Variants in CDH8 observed in about 807,000 individuals in gnomAD.
CDH8 encodes the protein cadherin-8.
Under a neutral mutation model 68.1 loss-of-function variants are expected in CDH8, and 17 were observed. The observed-to-expected ratio is 0.25, with a 90% CI of 0.17 to 0.37. The LOEUF is 0.37. Ranked by LOEUF, CDH8 falls within the 10% of genes least tolerant of loss-of-function variation. CDH8 has a pLI of 1.00. For missense variants in CDH8, 763 were observed against 999.3 expected, an observed-to-expected ratio of 0.76 and a Z score of 3.19; for synonymous variants, 372 against 365.1, an observed-to-expected ratio of 1.02 and a Z score of -0.21.
chr16:61,835,009 T>C (rs995536126), intron 4 of CDH8, among the ~76,000 whole-genome samples: 7 of 151,916 alleles, frequency 4.6e-5, no homozygotes, highest in African/African-American at 1.7e-4. Context: ...GAAAATAATA[T>C]ACTCTCCTTT....
intron 2 of CDH8, among the ~76,000 whole-genome samples, chr16:61,913,168 A>G (rs1304961586): frequency 1.3e-5 from 2 of 152,152 alleles, no homozygotes; most frequent in Non-Finnish European, 2.9e-5. Flanking sequence ...TCTAAACACA[A>G]AATTCATTTA....
intron 8 of CDH8, among the ~76,000 whole-genome samples, chr16:61,789,071 T>C (rs377296182): frequency 5.0e-4 from 76 of 152,198 alleles, no homozygotes; most frequent in African/African-American, 1.8e-3. Context: ...TACTAAATCT[T>C]TTCCTCTTAC....
intron 9 of CDH8, among the ~76,000 whole-genome samples, chr16:61,720,435 A>C (rs1260278916): frequency 6.6e-6 from 1 of 150,970 alleles, no homozygotes; most frequent in Non-Finnish European, 1.5e-5. Context: ...TTGAAAATAC[A>C]ATAAAAATAT....
intron 4 of CDH8, among the ~76,000 whole-genome samples, chr16:61,836,989 C>A (rs1962582573): frequency 6.6e-6 from 1 of 152,008 alleles, no homozygotes. Context: ...TCCTTTCAAG[C>A]CAATACCCTC....
At chr16:61,878,539 A>T (rs2143105278) in intron 3 of CDH8, among the ~76,000 whole-genome samples, 1 of 152,310 alleles carries the variant, frequency 6.6e-6, no homozygotes, top group Middle Eastern at 3.4e-3. Flanking sequence ...ACTTCCTCAT[A>T]GACTTTTTGT....
At chr16:61,919,246 A>G (rs1266476149) in intron 2 of CDH8, among the ~76,000 whole-genome samples, 1 of 147,918 alleles carries the variant, frequency 6.8e-6, no homozygotes, top group Non-Finnish European at 1.5e-5. Context: ...GAAACTCTAA[A>G]AAGCAGAGCG....
chr16:61,776,217 A>G (rs1409671031), intron 8 of CDH8, among the ~76,000 whole-genome samples: 2 of 152,128 alleles, frequency 1.3e-5, no homozygotes, highest in Non-Finnish European at 2.9e-5. Context: ...GTGTTATCTC[A>G]TTTAACTCCC....
At chr16:61,969,228 G>C (rs1965300837) in intron 2 of CDH8, among the ~76,000 whole-genome samples, 1 of 152,194 alleles carries the variant, frequency 6.6e-6, no homozygotes, top group Admixed American at 6.5e-5. Context: ...TGTGGAGTGA[G>C]GATGGGCATC....
At chr16:61,654,909 T>G (rs1963408199) in intron 11 of CDH8, among the ~76,000 whole-genome samples, 1 of 152,248 alleles carries the variant, frequency 6.6e-6, no homozygotes, top group African/African-American at 2.4e-5. Context: ...TTGGACTTTT[T>G]TAATTAAAAG....
At chr16:61,671,103 C>T (rs78743515) in intron 10 of CDH8, among the ~76,000 whole-genome samples, 2,869 of 151,718 alleles carry the variant, frequency 0.019, 48 homozygotes, top group Middle Eastern at 0.031. Context: ...TAAACTGATG[C>T]CAAGTGAAAA....
chr16:61,980,991 T>C (rs1965520439), intron 2 of CDH8, among the ~76,000 whole-genome samples: 1 of 152,210 alleles, frequency 6.6e-6, no homozygotes, highest in South Asian at 2.1e-4. Context: ...TCAACTCATC[T>C]ATACAGAAAA....
intron 7 of CDH8, among the ~76,000 whole-genome samples, chr16:61,808,038 G>T (rs765948482): frequency 1.3e-5 from 2 of 152,106 alleles, no homozygotes. Flanking sequence ...TATGCAAAAA[G>T]CACTGTACTA....
intron 10 of CDH8, among the ~76,000 whole-genome samples, chr16:61,669,990 T>C (rs1212113003): frequency 6.6e-6 from 1 of 152,080 alleles, no homozygotes; most frequent in Non-Finnish European, 1.5e-5. Context: ...CACTTACCTA[T>C]TAAGCAAGTG....
chr16:61,933,539 T>A (rs1421434439), intron 2 of CDH8, among the ~76,000 whole-genome samples: 1 of 152,222 alleles, frequency 6.6e-6, no homozygotes, highest in Non-Finnish European at 1.5e-5. Context: ...AAATTACATA[T>A]ATCTTTTTAA....
chr16:61,685,535 G>C (rs1964090544), intron 10 of CDH8, among the ~76,000 whole-genome samples: 1 of 151,830 alleles, frequency 6.6e-6, no homozygotes, highest in African/African-American at 2.4e-5. Flanking sequence ...TTTTTGTTAA[G>C]TTTTGTATAG....
At chr16:61,969,689 T>C (rs553608883) in intron 2 of CDH8, among the ~76,000 whole-genome samples, 1 of 152,376 alleles carries the variant, frequency 6.6e-6, no homozygotes, top group South Asian at 2.1e-4. Context: ...ATAAGATGTG[T>C]ATAGTCTCAT....
chr16:62,020,367 A>T (rs1567571452), intron 2 of CDH8, among the ~76,000 whole-genome samples: 1 of 152,170 alleles, frequency 6.6e-6, no homozygotes, highest in Non-Finnish European at 1.5e-5. Context: ...AGGAATAAAC[A>T]CGTGTAGTCT....
intron 2 of CDH8, among the ~76,000 whole-genome samples, chr16:61,996,923 T>G (rs748288409): frequency 6.6e-6 from 1 of 152,020 alleles, no homozygotes; most frequent in Non-Finnish European, 1.5e-5. Context: ...TATTGAGTAG[T>G]TTAGCATTTT....
intron 10 of CDH8, among the ~76,000 whole-genome samples, chr16:61,712,451 A>C (rs1964648486): frequency 6.6e-6 from 1 of 151,712 alleles, no homozygotes; most frequent in Non-Finnish European, 1.5e-5. Context: ...TGTGCGTTTT[A>C]TATGCAAAAA....
Sources: allele counts gnomAD v4.1 joint callset (sites outside exome capture counted in the v4.1 genomes callset), GRCh38; gene constraint gnomAD v4.1.1; transcripts MANE v1.5; gene names NCBI Gene and HGNC (gene_info 2026-07-23, HGNC 2026-07-21).